TNNT1: variants seen among roughly 807,000 people sequenced by gnomAD.
The protein encoded by TNNT1 is troponin T1, slow skeletal type.
A neutral mutation model predicts 50.6 loss-of-function variants in TNNT1; 53 were observed. The observed-to-expected ratio is 1.05, with a 90% confidence interval of 0.84 to 1.32. The LOEUF (loss-of-function observed/expected upper bound fraction) is 1.32, where lower values mean the gene tolerates loss of function less well. Among genes scored for constraint, TNNT1 ranks in the 40% most tolerant of loss-of-function variants. TNNT1 has a pLI of 0.00. For missense variants in TNNT1, 348 were observed against 381.7 expected, an observed-to-expected ratio of 0.91 and a Z score of 0.74; for synonymous variants, 142 against 138.0, an observed-to-expected ratio of 1.03 and a Z score of -0.20.
intron 9 of TNNT1, chr19:55,140,667 C>T: frequency 4.4e-6 from 1 of 228,510 alleles, no homozygotes; most frequent in Non-Finnish European, 8.5e-6. Context: ...GTCCCAGCTA[C>T]TGGGGAGGCT....
intron 11 of TNNT1, among the ~76,000 whole-genome samples, chr19:55,136,730 G>A (rs147938354): frequency 1.8e-4 from 28 of 152,244 alleles, no homozygotes; most frequent in Admixed American, 1.7e-3. Context: ...TAGATGCGAG[G>A]GACTCAGCTG....
Sources: allele counts gnomAD v4.1 joint callset (sites outside exome capture counted in the v4.1 genomes callset), GRCh38; gene constraint gnomAD v4.1.1; transcripts MANE v1.5; gene names NCBI Gene and HGNC (gene_info 2026-07-23, HGNC 2026-07-21).